Variants in MACROD2 observed in about 807,000 individuals in gnomAD.
MACROD2 encodes ADP-ribose glycohydrolase MACROD2.
In MACROD2, 36 loss-of-function variants were observed where a neutral mutation model predicts 70.4. The ratio of observed to expected loss-of-function variants is 0.51; its 90% CI spans 0.39 to 0.68. The LOEUF (loss-of-function observed/expected upper bound fraction) is 0.68. Among genes scored for constraint, MACROD2 ranks in the 30% least tolerant of loss-of-function variants. The pLI, the probability that MACROD2 is intolerant of heterozygous loss-of-function variation, is 0.00. For synonymous variants in MACROD2, 172 were observed against 178.8 expected (o/e 0.96, Z 0.30); for missense variants, 496 against 538.4 (o/e 0.92, Z 0.78).
chr20:15,465,617 G>T (rs920409090), intron 7 of MACROD2, among the ~76,000 whole-genome samples: 3 of 152,266 alleles, frequency 2.0e-5, no homozygotes, highest in Non-Finnish European at 4.4e-5. Flanking sequence ...ATCGGGCAGG[G>T]TGTTGGGCTT....
intron 3 of MACROD2, among the ~76,000 whole-genome samples, chr20:14,269,854 T>A (rs1407783785): frequency 6.6e-6 from 1 of 151,922 alleles, no homozygotes; most frequent in Non-Finnish European, 1.5e-5. Flanking sequence ...GATTTGTATC[T>A]CCCTTTATTT....
At chr20:14,354,037 TTTGAG>T (rs1473399688) in intron 3 of MACROD2, among the ~76,000 whole-genome samples, 2 of 152,180 alleles carry the variant, frequency 1.3e-5, no homozygotes, top group African/African-American at 4.8e-5. Context: ...ATCATTAGTA[TTTGAG>T]TTATTAATTG....
intron 7 of MACROD2, among the ~76,000 whole-genome samples, chr20:15,460,888 G>A (rs1455664067): frequency 2.0e-5 from 3 of 150,410 alleles, no homozygotes; most frequent in Non-Finnish European, 3.0e-5. Flanking sequence ...ACCTAAGTGT[G>A]ATGGAGAAGT....
intron 5 of MACROD2, among the ~76,000 whole-genome samples, chr20:15,090,467 CA>C (rs1462195438): frequency 6.6e-6 from 1 of 151,988 alleles, no homozygotes; most frequent in East Asian, 1.9e-4. Flanking sequence ...CTTACAAGAA[CA>C]AAAGGTACAC....
intron 5 of MACROD2, among the ~76,000 whole-genome samples, chr20:14,944,317 C>G (rs960070532): frequency 1.5e-4 from 23 of 152,262 alleles, no homozygotes; most frequent in African/African-American, 5.1e-4. Flanking sequence ...GAATTCTTAT[C>G]AAAGATTGTA....
intron 7 of MACROD2, among the ~76,000 whole-genome samples, chr20:15,460,977 C>CATATATATATATATAT (rs1157335873): frequency 7.2e-4 from 50 of 69,670 alleles, no homozygotes; most frequent in African/African-American, 9.6e-4. Flanking sequence ...TCTCTCTCTC[C>CATATATATATATATAT]ATATATATAT....
intron 4 of MACROD2, among the ~76,000 whole-genome samples, chr20:14,622,325 C>G (rs1983879044): frequency 6.6e-6 from 1 of 151,946 alleles, no homozygotes; most frequent in Non-Finnish European, 1.5e-5. Flanking sequence ...GAGCGGGTAG[C>G]TTTGGTCATT....
intron 3 of MACROD2, among the ~76,000 whole-genome samples, chr20:14,487,869 A>C (rs2084753371): frequency 6.6e-6 from 1 of 152,228 alleles, no homozygotes; most frequent in South Asian, 2.1e-4. Flanking sequence ...TAAAAGTGTA[A>C]TATAAAAATT....
At chr20:14,851,778 T>C (rs1440767033) in intron 5 of MACROD2, among the ~76,000 whole-genome samples, 1 of 152,154 alleles carries the variant, frequency 6.6e-6, no homozygotes, top group Non-Finnish European at 1.5e-5. Context: ...ATAACAACCC[T>C]ATTTGAAGAG....
intron 6 of MACROD2, among the ~76,000 whole-genome samples, chr20:15,309,102 A>AGAT (rs1157699911): frequency 6.6e-6 from 1 of 152,202 alleles, no homozygotes; most frequent in Admixed American, 6.5e-5. Context: ...CCTTACAAAC[A>AGAT]GATGGAAAAC....
At chr20:14,541,570 T>G (rs545441615) in intron 4 of MACROD2, among the ~76,000 whole-genome samples, 1 of 151,576 alleles carries the variant, frequency 6.6e-6, no homozygotes, top group East Asian at 2.0e-4. Flanking sequence ...CCTAGGACAG[T>G]GCCTAGCACA....
At chr20:15,383,941 G>C (rs545923363) in intron 6 of MACROD2, among the ~76,000 whole-genome samples, 3 of 151,966 alleles carry the variant, frequency 2.0e-5, no homozygotes, top group Non-Finnish European at 4.4e-5. Context: ...GAGCAATTCA[G>C]CTATTTTTTT....
chr20:15,903,103 C>G (rs182696154), intron 10 of MACROD2, among the ~76,000 whole-genome samples: 1 of 152,058 alleles, frequency 6.6e-6, no homozygotes, highest in African/African-American at 2.4e-5. Context: ...GGGCCGGGTG[C>G]GGTGTCTCAC....
chr20:15,949,397 T>C (rs2065874259), intron 12 of MACROD2, among the ~76,000 whole-genome samples: 1 of 152,196 alleles, frequency 6.6e-6, no homozygotes, highest in Non-Finnish European at 1.5e-5. Context: ...TCTATTGATA[T>C]GCTAACGCAG....
intron 5 of MACROD2, among the ~76,000 whole-genome samples, chr20:15,059,637 C>T (rs372494520): frequency 1.3e-5 from 2 of 152,112 alleles, no homozygotes; most frequent in East Asian, 1.9e-4. Flanking sequence ...CTGTTCTGAG[C>T]CAAATCCATT....
intron 8 of MACROD2, among the ~76,000 whole-genome samples, chr20:15,579,026 C>T (rs2048487763): frequency 6.6e-6 from 1 of 152,152 alleles, no homozygotes; most frequent in Non-Finnish European, 1.5e-5. Flanking sequence ...TCAAGTCAAA[C>T]ACTACATATA....
chr20:13,995,961 ACGCGCACACT>A lies in MACROD2; in HGVS notation c.46+158_46+167del. 1 of 871,128 alleles carries A rather than the reference ACGCGCACACT, an allele frequency of 1.1e-6. No homozygotes were observed. Among genetic ancestry groups the A allele is most frequent in the Non-Finnish European group, 1.8e-6 (1 of 569,082 alleles). 54.0% of individuals were successfully genotyped at this position (871,128 alleles called of 1,614,324 possible). The stretch of plus-strand genomic sequence containing the variant: ...CTCCCTCCGGTGTCCGTGTGTACAC[ACGCGCACACT>A]CGCGCGCACTCCGGCGTGCACGCGC... On this transcript the variant is annotated intron_variant, in intron 1 of 17. Transcript: ENST00000684519. The surrounding 1 kb of genome is among the most constrained non-coding windows in gnomAD (Gnocchi z 4.3).
At chr20:15,371,424 G>T (rs2045492638) in intron 6 of MACROD2, among the ~76,000 whole-genome samples, 1 of 152,096 alleles carries the variant, frequency 6.6e-6, no homozygotes, top group African/African-American at 2.4e-5. Context: ...ACTTTACAAT[G>T]TTAGATTGTA....
rs567196976 is a variant in MACROD2 at position 15,387,602 on chromosome 20, T to TC, written c.541-43803_541-43802insC. Among the ~76,000 whole-genome samples the TC allele has an allele frequency of 2.0e-4, 30 of 151,928 alleles. No homozygotes were observed. In the South Asian group the frequency reaches 4.2e-3, roughly 21 times the overall value. ...CACTTCCTTCCATAAAGGAAGCTCT[T>TC]TTGTTCCACCCTCTACACCAGGTCC... is the stretch of plus-strand genomic sequence containing the variant. On this transcript the variant is annotated intron_variant, in intron 6 of 17. Transcript: ENST00000684519.
Sources: allele counts gnomAD v4.1 joint callset (sites outside exome capture counted in the v4.1 genomes callset), GRCh38; gene constraint gnomAD v4.1.1; non-coding constraint Gnocchi (gnomAD v3.1); transcripts MANE v1.5; gene names NCBI Gene and HGNC (gene_info 2026-07-23, HGNC 2026-07-21).